AGTPBP1: variants seen among roughly 807,000 people sequenced by gnomAD.
The protein encoded by AGTPBP1 is ATP/GTP binding carboxypeptidase 1.
In AGTPBP1, 70 loss-of-function variants were observed where a neutral mutation model predicts 143.9. The ratio of observed to expected loss-of-function variants is 0.49; its 90% CI spans 0.40 to 0.59. AGTPBP1 has a LOEUF of 0.59. AGTPBP1 is among the 20% of genes least tolerant of loss of function. The probability of loss-of-function intolerance (pLI) is 0.00; values close to 1 mark genes in which losing one functional copy is unlikely to be tolerated. For missense variants in AGTPBP1, 1,229 were observed against 1,464.5 expected (o/e 0.84, Z 2.62); for synonymous variants, 463 against 500.2 (o/e 0.93, Z 0.99).
At chr9:85,717,986 C>A (rs981410051) in intron 1 of AGTPBP1, among the ~76,000 whole-genome samples, 1 of 152,078 alleles carries the variant, frequency 6.6e-6, no homozygotes, top group Non-Finnish European at 1.5e-5. Flanking sequence ...GCTTCATCCA[C>A]GTCCCTGCAA....
the AGTPBP1 span, among the ~76,000 whole-genome samples, chr9:85,784,325 T>A: frequency 3.3e-5 from 5 of 152,206 alleles, no homozygotes; most frequent in East Asian, 1.9e-4. Flanking sequence ...GGCTCCGGAG[T>A]GAGCCTCAGC....
chr9:85,759,091 C>T, the AGTPBP1 span, among the ~76,000 whole-genome samples: 13 of 152,112 alleles, frequency 8.5e-5, no homozygotes, highest in East Asian at 2.3e-3. Flanking sequence ...TGTATATGCA[C>T]CCAATACAGG....
chr9:85,719,325 G>A (rs1837945126), intron 1 of AGTPBP1, among the ~76,000 whole-genome samples: 3 of 152,076 alleles, frequency 2.0e-5, no homozygotes, highest in Admixed American at 2.0e-4. Context: ...ATTTGTTTTT[G>A]TCCTCTTTTA....
At chr9:85,804,124 GAA>G in the AGTPBP1 span, among the ~76,000 whole-genome samples, 15 of 147,302 alleles carry the variant, frequency 1.0e-4, no homozygotes, top group African/African-American at 3.2e-4. Context: ...CTAGCATAAA[GAA>G]AAAAAAAACC....
intron 2 of AGTPBP1, among the ~76,000 whole-genome samples, chr9:85,696,742 A>G (rs930635348): frequency 2.4e-4 from 37 of 152,308 alleles, no homozygotes; most frequent in Middle Eastern, 6.8e-3. Flanking sequence ...CAAATGACCA[A>G]TGCATGGTGT....
At chr9:85,760,356 T>A in the AGTPBP1 span, among the ~76,000 whole-genome samples, 1 of 152,222 alleles carries the variant, frequency 6.6e-6, no homozygotes, top group Non-Finnish European at 1.5e-5. Flanking sequence ...TGAACATCGA[T>A]GCAAAAATCC....
chr9:85,668,212 G>T (rs1451103202), intron 8 of AGTPBP1, among the ~76,000 whole-genome samples: 1 of 152,024 alleles, frequency 6.6e-6, no homozygotes, highest in African/African-American at 2.4e-5. Flanking sequence ...TGTAGGCTTG[G>T]AAATTTCCTA....
At position 85,663,044 on chromosome 9, in the gene AGTPBP1, T is replaced by C. The variant is rs141215644; in HGVS notation, c.663-2071A>G. Among the ~76,000 whole-genome samples, 30 of 152,252 alleles carry C rather than the reference T, an allele frequency of 2.0e-4. 1 individual carries two copies. The highest frequency in any genetic ancestry group is 7.2e-4 in the African/African-American group (30 of 41,558). On this transcript the variant is annotated intron_variant, in intron 8 of 25. Coordinates refer to ENST00000357081, the MANE Select transcript of AGTPBP1 (RefSeq NM_001330701.2). ...AGCCACAGCACAGGGAGACAGAACC[T>C]AGGTGGAGTCTGGCAGATCCCAAAA...
chr9:85,573,498 G>A (rs944071721), intron 25 of AGTPBP1, among the ~76,000 whole-genome samples: 4 of 152,274 alleles, frequency 2.6e-5, no homozygotes, highest in South Asian at 2.1e-4. Context: ...CCAAAGTGCC[G>A]AGATTGCAGC....
chr9:85,798,654 G>A, the AGTPBP1 span, among the ~76,000 whole-genome samples: 1 of 152,046 alleles, frequency 6.6e-6, no homozygotes, highest in East Asian at 1.9e-4. Context: ...ACCACACCTG[G>A]CCTCTAAAGC....
intron 9 of AGTPBP1, 95 bp from the exon 10 acceptor site, chr9:85,657,738 G>T: frequency 1.3e-6 from 1 of 765,980 alleles, no homozygotes; most frequent in Non-Finnish European, 2.0e-6. Flanking sequence ...ATATTGTGAT[G>T]GATACTTATA....
At chr9:85,561,436 A>G (rs7856595) in intron 25 of AGTPBP1, among the ~76,000 whole-genome samples, 41,842 of 151,722 alleles carry the variant, frequency 0.28, 8,456 homozygotes, top group African/African-American at 0.55. Flanking sequence ...ACAACAAGAC[A>G]AATAGCTAAC....
intron 25 of AGTPBP1, among the ~76,000 whole-genome samples, chr9:85,574,508 G>A (rs1342745315): frequency 1.3e-5 from 2 of 150,898 alleles, no homozygotes; most frequent in African/African-American, 4.9e-5. Flanking sequence ...TTATCTCTGA[G>A]CCTACAGCTT....
chr9:85,801,538 A>G, the AGTPBP1 span, among the ~76,000 whole-genome samples: 1 of 151,952 alleles, frequency 6.6e-6, no homozygotes, highest in Admixed American at 6.6e-5. Flanking sequence ...TGAAATACAC[A>G]TTGGAGGTAG....
At chr9:85,634,674 A>C (rs185684076) in intron 13 of AGTPBP1, among the ~76,000 whole-genome samples, 239 of 152,292 alleles carry the variant, frequency 1.6e-3, no homozygotes, top group Non-Finnish European at 2.4e-3. Flanking sequence ...TTAAACAGAT[A>C]AATAAGGTGT....
chr9:85,620,885 C>T (rs1564071463), intron 15 of AGTPBP1, among the ~76,000 whole-genome samples: 1 of 152,116 alleles, frequency 6.6e-6, no homozygotes, highest in Non-Finnish European at 1.5e-5. Flanking sequence ...ATCCACTCTC[C>T]TAAGTGAAAG....
At chr9:85,724,574 A>C (rs1477722929) in intron 1 of AGTPBP1, among the ~76,000 whole-genome samples, 3 of 152,216 alleles carry the variant, frequency 2.0e-5, no homozygotes, top group Non-Finnish European at 4.4e-5. Flanking sequence ...TGTTTACTAC[A>C]AAAGCAACCA....
At position 85,579,093 on chromosome 9, in the gene AGTPBP1, ATGTCT is replaced by A; in HGVS notation, c.3166-2_3168del. 2 of 1,590,028 alleles carry A rather than the reference ATGTCT, an allele frequency of 1.3e-6. No homozygotes were observed. Among genetic ancestry groups the A allele is most frequent in the Non-Finnish European group, 1.7e-6 (2 of 1,173,612 alleles). ...GCGATATGGCTCAGTATCTTAGGCA[ATGTCT>A]GTTAAAAACAAGAATGATGATGATA... is the stretch of plus-strand genomic sequence containing the variant. On this transcript the variant is annotated splice_acceptor_variant and coding_sequence_variant, in exon 24 of 26. Coordinates refer to ENST00000357081, the MANE Select transcript of AGTPBP1 (RefSeq NM_001330701.2). LOFTEE classifies it high-confidence loss of function.
intron 2 of AGTPBP1, among the ~76,000 whole-genome samples, chr9:85,700,042 T>C (rs1657739814): frequency 6.6e-6 from 1 of 152,252 alleles, no homozygotes; most frequent in African/African-American, 2.4e-5. Context: ...TACCTACTTC[T>C]GTATTCAACC....
Sources: allele counts gnomAD v4.1 joint callset (sites outside exome capture counted in the v4.1 genomes callset), GRCh38; gene constraint gnomAD v4.1.1; transcripts MANE v1.5; gene names NCBI Gene and HGNC (gene_info 2026-07-23, HGNC 2026-07-21).